FAM107B: variants seen among roughly 807,000 people sequenced by gnomAD.
FAM107B encodes family with sequence similarity 107 member B, also known as protein FAM107B.
In FAM107B, 21 loss-of-function variants were observed where a neutral mutation model predicts 31.5. That is an observed-to-expected ratio of 0.67 (90% CI 0.47 to 0.96). The LOEUF (loss-of-function observed/expected upper bound fraction) is 0.96, where lower values mean the gene tolerates loss of function less well. Ranked by LOEUF, FAM107B falls within the 40% of genes least tolerant of loss-of-function variation. FAM107B has a pLI of 0.00. For synonymous variants in FAM107B, 157 were observed against 141.5 expected (o/e 1.11, Z -0.78); for missense variants, 452 against 377.1 (o/e 1.20, Z -1.64).
intron 1 of FAM107B, among the ~76,000 whole-genome samples, chr10:14,734,425 C>T (rs1003989016): frequency 3.3e-5 from 5 of 151,702 alleles, no homozygotes; most frequent in Admixed American, 2.6e-4. Flanking sequence ...TCCAGGGCGG[C>T]TTTGAAGGTG....
At chr10:14,544,722 G>A (rs919049264) in intron 2 of FAM107B, among the ~76,000 whole-genome samples, 15 of 151,658 alleles carry the variant, frequency 9.9e-5, no homozygotes, top group Non-Finnish European at 1.5e-4. Context: ...TATTTATTCC[G>A]GCATGGTCTA....
intron 2 of FAM107B, among the ~76,000 whole-genome samples, chr10:14,620,472 A>G (rs1473437645): frequency 6.6e-6 from 1 of 152,158 alleles, no homozygotes; most frequent in African/African-American, 2.4e-5. Flanking sequence ...TGGTTGTACT[A>G]GGCCCTTTGC....
At chr10:14,767,800 G>T (rs1019001234) in intron 1 of FAM107B, among the ~76,000 whole-genome samples, 2 of 152,142 alleles carry the variant, frequency 1.3e-5, no homozygotes, top group Non-Finnish European at 2.9e-5. Context: ...ATTCAATGCA[G>T]TATTGTAAGT....
At chr10:14,712,233 T>C (rs114678196) in intron 1 of FAM107B, among the ~76,000 whole-genome samples, 1,969 of 152,244 alleles carry the variant, frequency 0.013, 47 homozygotes, top group African/African-American at 0.046. Flanking sequence ...ATATCTTATG[T>C]ATCTCATAAA....
chr10:14,728,696 G>A (rs1485353993), intron 1 of FAM107B, among the ~76,000 whole-genome samples: 1 of 152,170 alleles, frequency 6.6e-6, no homozygotes, highest in Non-Finnish European at 1.5e-5. Flanking sequence ...CGTGCTTCCA[G>A]TGTCCAGCCA....
At chr10:14,752,904 C>T (rs1174766350) in intron 1 of FAM107B, among the ~76,000 whole-genome samples, 4 of 149,534 alleles carry the variant, frequency 2.7e-5, no homozygotes, top group African/African-American at 9.9e-5. Context: ...TGTACTCCAG[C>T]TTGGGCAACA....
chr10:14,620,685 C>T (rs956350906), intron 2 of FAM107B, among the ~76,000 whole-genome samples: 13 of 152,110 alleles, frequency 8.5e-5, no homozygotes, highest in Non-Finnish European at 1.2e-4. Context: ...TCTCCCAGCC[C>T]GCCATCCCCC....
At chr10:14,581,629 G>A (rs1354921680) in intron 2 of FAM107B, among the ~76,000 whole-genome samples, 3 of 152,212 alleles carry the variant, frequency 2.0e-5, no homozygotes, top group Non-Finnish European at 4.4e-5. Flanking sequence ...AGCCAGGCGC[G>A]GTGGCTCATA....
intron 3 of FAM107B, among the ~76,000 whole-genome samples, chr10:14,524,021 C>A (rs1197532075): frequency 6.7e-6 from 1 of 149,074 alleles, no homozygotes; most frequent in Non-Finnish European, 1.5e-5. Context: ...CACATGCCAC[C>A]ACGCCCAGCT....
At chr10:14,572,387 G>A (rs895046301) in intron 2 of FAM107B, 10 of 985,234 alleles carry the variant, frequency 1.0e-5, no homozygotes, top group Admixed American at 1.2e-4. Context: ...GGAAGCATGC[G>A]TGAGTCAACC....
intron 2 of FAM107B, among the ~76,000 whole-genome samples, chr10:14,594,047 A>G (rs1349034745): frequency 2.6e-5 from 4 of 152,256 alleles, no homozygotes; most frequent in Non-Finnish European, 5.9e-5. Context: ...TAAACACAAC[A>G]TTTAAAACAA....
At chr10:14,742,009 C>T (rs531067957) in intron 1 of FAM107B, among the ~76,000 whole-genome samples, 1 of 151,554 alleles carries the variant, frequency 6.6e-6, no homozygotes, top group Non-Finnish European at 1.5e-5. Flanking sequence ...CCACCGCGTG[C>T]GGCCAACTCC....
intron 1 of FAM107B, among the ~76,000 whole-genome samples, chr10:14,754,404 G>T (rs1025041049): frequency 1.3e-5 from 2 of 152,170 alleles, no homozygotes; most frequent in African/African-American, 4.8e-5. Flanking sequence ...GACCTGACTT[G>T]ACTAATCCAA....
At chr10:14,543,433 C>G (rs71485517) in intron 2 of FAM107B, among the ~76,000 whole-genome samples, 11,802 of 152,116 alleles carry the variant, frequency 0.078, 598 homozygotes, top group East Asian at 0.18. Flanking sequence ...GTCCTGAGCT[C>G]GGCCTCCTGA....
chr10:14,558,423 C>T (rs1849904570), intron 2 of FAM107B, among the ~76,000 whole-genome samples: 1 of 152,198 alleles, frequency 6.6e-6, no homozygotes, highest in African/African-American at 2.4e-5. Flanking sequence ...CCTTGACCTT[C>T]CTATAGATGC....
chr10:14,554,506 A>G (rs549270861), intron 2 of FAM107B, among the ~76,000 whole-genome samples: 10 of 152,290 alleles, frequency 6.6e-5, no homozygotes, highest in African/African-American at 2.4e-4. Context: ...GAGGCAGGAG[A>G]GGGATGAAGG....
chr10:14,615,000 A>G (rs897703680), intron 2 of FAM107B, among the ~76,000 whole-genome samples: 3 of 152,134 alleles, frequency 2.0e-5, no homozygotes, highest in Non-Finnish European at 4.4e-5. Flanking sequence ...CAGGGCCAAG[A>G]AAGGTTTTGT....
chr10:14,547,608 A>C (rs1032967162), intron 2 of FAM107B, among the ~76,000 whole-genome samples: 9 of 152,176 alleles, frequency 5.9e-5, no homozygotes, highest in Non-Finnish European at 1.2e-4. Flanking sequence ...TCCTTTAAGC[A>C]GCATGTCAGT....
intron 2 of FAM107B, among the ~76,000 whole-genome samples, chr10:14,585,020 A>C (rs1027457960): frequency 6.6e-6 from 1 of 152,154 alleles, no homozygotes; most frequent in African/African-American, 2.4e-5. Context: ...TCAAATAACC[A>C]ATCAGACCAA....
Sources: allele counts gnomAD v4.1 joint callset (sites outside exome capture counted in the v4.1 genomes callset), GRCh38; gene constraint gnomAD v4.1.1; transcripts MANE v1.5; gene names NCBI Gene and HGNC (gene_info 2026-07-23, HGNC 2026-07-21).